Variants in RDH11 observed in about 807,000 individuals in gnomAD.
RDH11 encodes retinol dehydrogenase 11.
Under a neutral mutation model 33.4 loss-of-function variants are expected in RDH11, and 19 were observed. That is an observed-to-expected ratio of 0.57 (90% CI 0.40 to 0.83). The LOEUF (loss-of-function observed/expected upper bound fraction) is 0.83, where lower values mean the gene tolerates loss of function less well. Among genes scored for constraint, RDH11 ranks in the 40% least tolerant of loss-of-function variants. RDH11 has a pLI of 0.00. For synonymous variants in RDH11, 154 were observed against 155.3 expected, an observed-to-expected ratio of 0.99 and a Z score of 0.06; for missense variants, 353 against 389.0, an observed-to-expected ratio of 0.91 and a Z score of 0.78.
At chr14:67,693,986 C>T (rs1350095747) in intron 1 of RDH11, among the ~76,000 whole-genome samples, 2 of 152,100 alleles carry the variant, frequency 1.3e-5, no homozygotes, top group Admixed American at 1.3e-4. Context: ...ACTATATTGC[C>T]TTTTCCAAAT....
rs1011439079 is a variant in RDH11, at chr14:67,678,091, A to T, written c.*230T>A. 8.8e-6 allele frequency: 4 copies of T among 455,150 alleles called. No individual in the cohort carries two copies. The highest frequency in any genetic ancestry group is 1.6e-5 in the Non-Finnish European group (4 of 248,578). 28.2% of individuals were successfully genotyped at this position (455,150 alleles called of 1,614,324 possible). ...ATGAGGGTCTTCTTATCCTATTATGATATCTCTAGTAACTCTGGCAGTAAC... is the reference window on the plus strand; with the variant it reads ...ATGAGGGTCTTCTTATCCTATTATGTTATCTCTAGTAACTCTGGCAGTAAC... On this transcript the variant is annotated 3_prime_UTR_variant, in exon 7 of 7. Transcript: ENST00000381346.
intron 6 of RDH11, among the ~76,000 whole-genome samples, chr14:67,681,000 T>A (rs1201569722): frequency 6.6e-6 from 1 of 152,214 alleles, no homozygotes; most frequent in East Asian, 1.9e-4. Flanking sequence ...AAGCTTACTG[T>A]TATACTCCAA....
intron 5 of RDH11, among the ~76,000 whole-genome samples, chr14:67,689,296 T>C (rs1231824228): frequency 2.0e-5 from 3 of 152,252 alleles, no homozygotes; most frequent in Non-Finnish European, 4.4e-5. Context: ...CCTGATTCCT[T>C]GAGCCTGCAT....
intron 3 of RDH11, 39 bp from the exon 4 acceptor site, chr14:67,691,283 C>T: frequency 6.9e-7 from 1 of 1,449,150 alleles, no homozygotes; most frequent in Non-Finnish European, 9.7e-7. Flanking sequence ...AGTGGCTAGC[C>T]AAGGCTATTA....
At chr14:67,680,714 C>A (rs1477208027) in intron 6 of RDH11, among the ~76,000 whole-genome samples, 4 of 152,220 alleles carry the variant, frequency 2.6e-5, no homozygotes, top group Non-Finnish European at 5.9e-5. Flanking sequence ...CCACCTCAGC[C>A]TCCCAAAGTG....
In RDH11 at chr14:67,687,336, C is replaced by T. The variant is rs1008450598; in HGVS notation, c.665-2132G>A. ...TTTGGCATCTACCTACCTCACCAGT[C>T]TCAGCTCAGATCTTTATTACTCTTG... On this transcript the variant is annotated intron_variant, in intron 5 of 6. Coordinates refer to ENST00000381346, the MANE Select transcript of RDH11 (RefSeq NM_016026.4). Among the ~76,000 whole-genome samples the T allele has an allele frequency of 2.6e-5, 4 of 152,188 alleles. No individual in the cohort carries two copies. The East Asian group carries it at 7.7e-4, about 29-fold the overall frequency.
chr14:67,681,530 C>A (rs1258084326), intron 6 of RDH11, among the ~76,000 whole-genome samples: 3 of 152,194 alleles, frequency 2.0e-5, no homozygotes, highest in African/African-American at 7.2e-5. Flanking sequence ...TGCCTATAAT[C>A]CCAGCACTTT....
chr14:67,690,196 T>C lies in RDH11; in HGVS notation c.664+16A>G. ...TCTCTGACTCATGTCTCCACATTCA[T>C]TTCCTCTAGGCCCACCTTTTAGTCT... On this transcript the variant is annotated intron_variant, in intron 5 of 6. Transcript: ENST00000381346. The C allele has an allele frequency of 1.2e-6, 2 of 1,609,632 alleles. No individual in the cohort carries two copies. The highest frequency in any genetic ancestry group is 1.7e-5 in the Admixed American group (1 of 60,012).
Position 67,692,956 on chromosome 14 carries a change from T to C in RDH11, c.171A>G (p.Thr57=), listed in dbSNP as rs370673763. 12 of 1,613,738 alleles carry C rather than the reference T, an allele frequency of 7.4e-6. No homozygotes were observed. Among genetic ancestry groups the C allele is most frequent in the Non-Finnish European group, 1.0e-5 (12 of 1,179,776 alleles). Residue 57 remains threonine (T), a synonymous_variant, in exon 2 of 7, where the codon ACA becomes ACG. Coordinates refer to ENST00000381346, the MANE Select transcript of RDH11 (RefSeq NM_016026.4). ...TGANTGIGKE[T]AKELAQRGAR... is the part of the protein sequence containing the mutation. ...TGCCTCTCTGAGCCAGCTCTTTGGC[T>C]GTCTCCTTCCCGATACCTGTATTAG... is the stretch of plus-strand genomic sequence containing the variant.
intron 1 of RDH11, among the ~76,000 whole-genome samples, chr14:67,693,289 A>T (rs1228693337): frequency 6.6e-6 from 1 of 152,238 alleles, no homozygotes; most frequent in Non-Finnish European, 1.5e-5. Context: ...TGTTCTCTGC[A>T]GCACAAGAAC....
At chr14:67,690,724 C>T (rs1428680433) in intron 4 of RDH11, 6 of 404,616 alleles carry the variant, frequency 1.5e-5, no homozygotes, top group Non-Finnish European at 2.7e-5. Flanking sequence ...TGGCTCACGC[C>T]GGTAATCTCA....
At chr14:67,694,505 T>TAC (rs1469232445) in intron 1 of RDH11, among the ~76,000 whole-genome samples, 131 of 146,602 alleles carry the variant, frequency 8.9e-4, no homozygotes, top group African/African-American at 3.1e-3. Flanking sequence ...TATATATATA[T>TAC]ACACACATAT....
chr14:67,678,941 G>A (rs1007682186), intron 6 of RDH11, among the ~76,000 whole-genome samples: 2 of 152,188 alleles, frequency 1.3e-5, no homozygotes, highest in Non-Finnish European at 2.9e-5. Flanking sequence ...AAAGGAAAAG[G>A]CGACACAGAA....
chr14:67,684,543 A>G (rs2037652615), intron 6 of RDH11: 1 of 152,074 alleles, frequency 6.6e-6, no homozygotes, highest in South Asian at 2.1e-4. Context: ...GGGAGTCCAT[A>G]GTATTTCAAT....
chr14:67,681,844 G>A (rs2037619950), intron 6 of RDH11, among the ~76,000 whole-genome samples: 1 of 152,138 alleles, frequency 6.6e-6, no homozygotes, highest in Non-Finnish European at 1.5e-5. Flanking sequence ...AAGACTATTA[G>A]AAGAAAACAT....
At chr14:67,682,821 C>A (rs1375875637) in intron 6 of RDH11, among the ~76,000 whole-genome samples, 1 of 152,162 alleles carries the variant, frequency 6.6e-6, no homozygotes, top group Non-Finnish European at 1.5e-5. Context: ...CTAAAAAGTG[C>A]AAACCCAAAT....
chr14:67,680,817 CA>C (rs1343181240), intron 6 of RDH11, among the ~76,000 whole-genome samples: 10 of 152,162 alleles, frequency 6.6e-5, no homozygotes, highest in African/African-American at 2.4e-4. Context: ...TTGACATTTC[CA>C]GGGGGATTTT....
At chr14:67,679,179 C>T (rs532369903) in intron 6 of RDH11, among the ~76,000 whole-genome samples, 1 of 152,226 alleles carries the variant, frequency 6.6e-6, no homozygotes, top group East Asian at 1.9e-4. Context: ...ACAAGTCATC[C>T]TTTAATAAGG....
At position 67,685,817 on chromosome 14, in the gene RDH11, T is replaced by C. The variant is rs372598611; in HGVS notation, c.665-613A>G. Among the ~76,000 whole-genome samples the C allele has an allele frequency of 2.6e-4, 39 of 152,250 alleles. No homozygotes were observed. The East Asian group carries it at 7.0e-3, about 27-fold the overall frequency. ...TTTTAGTGGAGACGGGATTTCATCATGTTGGCCAGACTGGTCTTGAACTCC... is the reference window on the plus strand; with the variant it reads ...TTTTAGTGGAGACGGGATTTCATCACGTTGGCCAGACTGGTCTTGAACTCC... On this transcript the variant is annotated intron_variant, in intron 5 of 6. Transcript: ENST00000381346.
Sources: gnomAD v4.1 joint callset for allele counts (sites outside exome capture counted in the v4.1 genomes callset) on GRCh38, gnomAD v4.1.1 for gene constraint, MANE v1.5 for transcripts, NCBI Gene and HGNC (gene_info 2026-07-23, HGNC 2026-07-21) for gene names.